CBFA2T2: variants seen among roughly 807,000 people sequenced by gnomAD.
The protein encoded by CBFA2T2 is CBFA2/RUNX1 partner transcriptional co-repressor 2.
CBFA2T2 carries 11 observed loss-of-function variants against 62.2 expected under a neutral mutation model. The observed-to-expected ratio is 0.18, with a 90% confidence interval of 0.11 to 0.29. The LOEUF (loss-of-function observed/expected upper bound fraction) is 0.29. CBFA2T2 is among the 10% of genes least tolerant of loss of function. The pLI is 1.00. For synonymous variants in CBFA2T2, 295 were observed against 287.5 expected (o/e 1.03, Z -0.27); for missense variants, 592 against 774.1 (o/e 0.76, Z 2.79).
At chr20:33,601,769 T>C (rs2015142463) in intron 1 of CBFA2T2, 1 of 152,044 alleles carries the variant, frequency 6.6e-6, no homozygotes, top group African/African-American at 2.4e-5. Flanking sequence ...CCACACAGCA[T>C]AGATAACATC....
intron 1 of CBFA2T2, among the ~76,000 whole-genome samples, chr20:33,538,169 G>T (rs2146875894): frequency 6.6e-6 from 1 of 151,974 alleles, no homozygotes; most frequent in East Asian, 1.9e-4. Context: ...TCCTGTACAG[G>T]TTTTATGTCT....
At chr20:33,517,192 G>A (rs1600919202) in intron 1 of CBFA2T2, among the ~76,000 whole-genome samples, 1 of 152,264 alleles carries the variant, frequency 6.6e-6, no homozygotes, top group Admixed American at 6.5e-5. Flanking sequence ...TTCTCTATCT[G>A]CCTGAAAGTG....
chr20:33,577,343 A>T (rs1026464666), intron 1 of CBFA2T2, among the ~76,000 whole-genome samples: 1 of 152,166 alleles, frequency 6.6e-6, no homozygotes, highest in Non-Finnish European at 1.5e-5. Context: ...TGGAGCCAAC[A>T]TCTTTGAAAT....
chr20:33,602,326 G>A (rs2015170008), intron 1 of CBFA2T2, among the ~76,000 whole-genome samples: 1 of 150,594 alleles, frequency 6.6e-6, no homozygotes, highest in Admixed American at 6.7e-5. Context: ...CTTTCTCCTT[G>A]AGACCTAAAT....
At chr20:33,554,600 C>CTTT (rs752877501) in intron 1 of CBFA2T2, among the ~76,000 whole-genome samples, 63 of 56,270 alleles carry the variant, frequency 1.1e-3, no homozygotes, top group African/African-American at 1.3e-3. Context: ...TTTTTCTTTT[C>CTTT]TTTTTTTTTT....
chr20:33,551,944 T>G (rs2012754145), intron 1 of CBFA2T2, among the ~76,000 whole-genome samples: 1 of 152,136 alleles, frequency 6.6e-6, no homozygotes, highest in Non-Finnish European at 1.5e-5. Flanking sequence ...TACGTAAAAT[T>G]CTTGATTTTA....
chr20:33,495,235 T>TA (rs971752388), intron 1 of CBFA2T2, among the ~76,000 whole-genome samples: 1 of 149,740 alleles, frequency 6.7e-6, no homozygotes, highest in African/African-American at 2.5e-5. Flanking sequence ...CCATCTCTAC[T>TA]AAAAATACAA....
At chr20:33,588,982 G>GA (rs1331890876) in intron 1 of CBFA2T2, among the ~76,000 whole-genome samples, 6 of 150,840 alleles carry the variant, frequency 4.0e-5, no homozygotes, top group South Asian at 2.1e-4. Flanking sequence ...CTGAAAGGAG[G>GA]AAAAAAAACC....
chr20:33,571,448 A>G (rs781646219), intron 1 of CBFA2T2, among the ~76,000 whole-genome samples: 1 of 152,202 alleles, frequency 6.6e-6, no homozygotes, highest in Non-Finnish European at 1.5e-5. Flanking sequence ...TTGACATAAA[A>G]TCTAATGTCA....
chr20:33,573,736 TC>T (rs1233445616), intron 1 of CBFA2T2, among the ~76,000 whole-genome samples: 4 of 152,034 alleles, frequency 2.6e-5, no homozygotes, highest in African/African-American at 9.7e-5. Context: ...CACCTCAGCC[TC>T]CCAAAGTGCT....
At position 33,641,254 on chromosome 20, in the gene CBFA2T2, G is replaced by C. The variant is rs571113370; in HGVS notation, c.1488+723G>C. 1.5e-3 allele frequency among the ~76,000 whole-genome samples: 231 copies of C among 152,190 alleles called. 1 individual carries two copies. The highest frequency in any genetic ancestry group is 5.3e-3 in the African/African-American group (222 of 41,522). On this transcript the variant is annotated intron_variant, in intron 10 of 10. Transcript: ENST00000342704. The stretch of plus-strand genomic sequence containing the variant: ...TCACCGTGTTAGCCAGGATGGTCTC[G>C]ATCTCCTGACCAGCACCTAGGCTTT...
At chr20:33,553,499 T>C (rs1357964419) in intron 1 of CBFA2T2, among the ~76,000 whole-genome samples, 1 of 152,258 alleles carries the variant, frequency 6.6e-6, no homozygotes, top group Non-Finnish European at 1.5e-5. Flanking sequence ...CCCAAAGTGC[T>C]GGGATTACAG....
rs145654998 is a variant in CBFA2T2 at position 33,599,302 on chromosome 20, A to G, written c.35-7654A>G. ...TGTGGCCCACTGTCCATTTTTGTGA[A>G]TAAAGATTGATTACAACACAGCCAA... On this transcript the variant is annotated intron_variant, in intron 1 of 10. Coordinates refer to ENST00000342704, the MANE Select transcript of CBFA2T2 (RefSeq NM_001032999.3). 6.6e-5 allele frequency among the ~76,000 whole-genome samples: 10 copies of G among 152,256 alleles called. No homozygotes were observed. The East Asian group carries it at 1.4e-3, about 21-fold the overall frequency.
intron 7 of CBFA2T2, among the ~76,000 whole-genome samples, chr20:33,629,213 G>A (rs891375248): frequency 6.6e-6 from 1 of 151,948 alleles, no homozygotes; most frequent in Non-Finnish European, 1.5e-5. Flanking sequence ...CTCATGTTTC[G>A]TAGTTTTAGA....
At chr20:33,585,104 C>T (rs950754601) in intron 1 of CBFA2T2, among the ~76,000 whole-genome samples, 1 of 152,074 alleles carries the variant, frequency 6.6e-6, no homozygotes, top group Non-Finnish European at 1.5e-5. Context: ...ACCCAAACTA[C>T]CTGTTAAAAT....
At position 33,624,900 on chromosome 20, in the gene CBFA2T2, C is replaced by G. The variant is rs756609426; in HGVS notation, c.829C>G (p.Pro277Ala). Residue 277 changes from proline to alanine, a missense_variant, in exon 6 of 11, where the codon CCT (proline) becomes GCT (alanine). Physicochemically the swap from Pro to Ala is conservative, Grantham distance 27. This residue lies in a region of CBFA2T2 where 449 missense variants were observed against 551.2 expected (regional missense o/e 0.81). Coordinates refer to ENST00000342704, the MANE Select transcript of CBFA2T2 (RefSeq NM_001032999.3). ...PLMNPGGQFH[P>A]TPPPLQHYTL... The stretch of plus-strand genomic sequence containing the variant: ...CATGAATCCCGGGGGCCAATTCCAT[C>G]CTACCCCTCCACCTCTTCAGCATTA... 6.2e-7 allele frequency: 1 copy of G among 1,614,158 alleles called. No homozygotes were observed. The highest frequency in any genetic ancestry group is 8.5e-7 in the Non-Finnish European group (1 of 1,180,026).
intron 1 of CBFA2T2, among the ~76,000 whole-genome samples, chr20:33,535,762 G>A (rs1171367030): frequency 6.6e-6 from 1 of 151,646 alleles, no homozygotes; most frequent in Non-Finnish European, 1.5e-5. Flanking sequence ...GGGAAGGTCA[G>A]CAGATAAACA....
Position 33,622,508 on chromosome 20 carries a change from G to T in CBFA2T2, c.511-607G>T, listed in dbSNP as rs141863016. On this transcript the variant is annotated intron_variant, in intron 4 of 10. Coordinates refer to ENST00000342704, the MANE Select transcript of CBFA2T2 (RefSeq NM_001032999.3). ...TTCTGAGCTTTTAAAGATGTATAGG[G>T]TTTTAAAATGTGATTTGTTCCTATT... Among the ~76,000 whole-genome samples the T allele has an allele frequency of 7.5e-3, 1,138 of 152,228 alleles. 9 individuals are homozygous for T. Among genetic ancestry groups the T allele is most frequent in the African/African-American group, 0.026 (1,070 of 41,542 alleles).
At chr20:33,535,602 ATT>A (rs201029926) in intron 1 of CBFA2T2, among the ~76,000 whole-genome samples, 180 of 138,570 alleles carry the variant, frequency 1.3e-3, no homozygotes, top group African/African-American at 4.8e-3. Flanking sequence ...ATTGAGTTTT[ATT>A]TTTATTTTTT....
Sources: allele counts gnomAD v4.1 joint callset (sites outside exome capture counted in the v4.1 genomes callset), GRCh38; gene constraint gnomAD v4.1.1; regional missense constraint gnomAD v4.1.1; transcripts MANE v1.5; gene names NCBI Gene and HGNC (gene_info 2026-07-23, HGNC 2026-07-21).